The following FUT9 variants were observed in gnomAD, a reference collection of about 807,000 sequenced individuals.
FUT9 encodes the protein 4-galactosyl-N-acetylglucosaminide 3-alpha-L-fucosyltransferase 9.
FUT9 carries 15 observed loss-of-function variants against 29.7 expected under a neutral mutation model. That is an observed-to-expected ratio of 0.51 (90% CI 0.34 to 0.78). The LOEUF (loss-of-function observed/expected upper bound fraction) is 0.78, where lower values mean the gene tolerates loss of function less well. FUT9 is among the 30% of genes least tolerant of loss of function. The pLI, the probability that FUT9 is intolerant of heterozygous loss-of-function variation, is 0.01. For synonymous variants in FUT9, 169 were observed against 153.7 expected (o/e 1.10, Z -0.74); for missense variants, 319 against 425.4 (o/e 0.75, Z 2.20).
intron 1 of FUT9, among the ~76,000 whole-genome samples, chr6:96,071,425 C>G (rs1245359090): frequency 6.6e-6 from 1 of 152,164 alleles, no homozygotes; most frequent in African/African-American, 2.4e-5. Flanking sequence ...GAATTTATAA[C>G]AATGTTTACA....
intron 1 of FUT9, among the ~76,000 whole-genome samples, chr6:96,069,043 G>A (rs1172289395): frequency 4.6e-5 from 7 of 152,186 alleles, no homozygotes; most frequent in African/African-American, 1.2e-4. Flanking sequence ...TTGACCGGGC[G>A]CAGTGGCTTA....
intron 1 of FUT9, among the ~76,000 whole-genome samples, chr6:96,077,970 T>A (rs764235711): frequency 2.6e-5 from 4 of 152,194 alleles, no homozygotes; most frequent in African/African-American, 4.8e-5. Context: ...CTGTAAGAGT[T>A]TCTTTACAAC....
At chr6:96,082,006 T>G (rs1771245620) in intron 1 of FUT9, among the ~76,000 whole-genome samples, 1 of 151,872 alleles carries the variant, frequency 6.6e-6, no homozygotes, top group Non-Finnish European at 1.5e-5. Flanking sequence ...AAACATAATT[T>G]TATTGATTGT....
At chr6:96,190,131 G>A (rs913779554) in intron 2 of FUT9, among the ~76,000 whole-genome samples, 1 of 152,076 alleles carries the variant, frequency 6.6e-6, no homozygotes, top group Admixed American at 6.6e-5. Flanking sequence ...GCATTTGCTT[G>A]TCTATAAAGG....
chr6:96,088,528 TTTTGTGTG>T (rs1294835713), intron 1 of FUT9, among the ~76,000 whole-genome samples: 1 of 91,566 alleles, frequency 1.1e-5, no homozygotes, highest in Non-Finnish European at 2.2e-5. Flanking sequence ...TGTTTGTTTG[TTTTGTGTG>T]TGTGTGTGTG....
At chr6:96,172,569 T>C (rs951603728) in intron 2 of FUT9, among the ~76,000 whole-genome samples, 3 of 151,904 alleles carry the variant, frequency 2.0e-5, no homozygotes, top group African/African-American at 7.3e-5. Context: ...AGGGTCTTAG[T>C]AGAGTGTGGG....
chr6:96,088,167 C>A (rs912214178), intron 1 of FUT9, among the ~76,000 whole-genome samples: 8 of 151,938 alleles, frequency 5.3e-5, no homozygotes, highest in Non-Finnish European at 8.8e-5. Flanking sequence ...TGCAGCAAAC[C>A]AACAAGGCAC....
At chr6:96,035,724 AAT>A (rs1240515581) in intron 1 of FUT9, among the ~76,000 whole-genome samples, 3 of 137,544 alleles carry the variant, frequency 2.2e-5, no homozygotes, top group African/African-American at 8.0e-5. Context: ...TATACTAATA[AAT>A]ATAACATATT....
intron 1 of FUT9, among the ~76,000 whole-genome samples, chr6:96,098,942 T>G (rs1771543990): frequency 6.6e-6 from 1 of 152,126 alleles, no homozygotes; most frequent in South Asian, 2.1e-4. Flanking sequence ...ATTTTGTGCA[T>G]GTCTCTGTCA....
rs1398375398 is a variant in FUT9, at chr6:96,093,010, C to T, written c.-97-21029C>T. 2.6e-5 allele frequency among the ~76,000 whole-genome samples: 4 copies of T among 152,128 alleles called. No homozygotes were observed. In the East Asian group the frequency reaches 7.7e-4, roughly 29 times the overall value. On this transcript the variant is annotated intron_variant, in intron 1 of 2. Transcript: ENST00000302103. ...CTCAAAGTCCTGGGCTCAAGCAATC[C>T]TCCTGCCTTGGCCTCCTAAAGTATT...
chr6:96,171,416 G>A (rs887703873), intron 2 of FUT9, among the ~76,000 whole-genome samples: 3 of 152,170 alleles, frequency 2.0e-5, no homozygotes, highest in African/African-American at 7.2e-5. Flanking sequence ...GCCACAGCTA[G>A]TGGAGGGCTG....
intron 1 of FUT9, among the ~76,000 whole-genome samples, chr6:96,035,054 A>G (rs773983727): frequency 1.3e-5 from 2 of 151,800 alleles, no homozygotes; most frequent in Non-Finnish European, 2.9e-5. Flanking sequence ...AAAAGTCATC[A>G]ATTCAATTAA....
chr6:96,101,196 T>G (rs1177413332), intron 1 of FUT9, among the ~76,000 whole-genome samples: 1 of 152,206 alleles, frequency 6.6e-6, no homozygotes, highest in East Asian at 1.9e-4. Context: ...GGTGTCTTGT[T>G]TTACTAAAAT....
chr6:96,031,620 A>ATATT (rs1239351510), intron 1 of FUT9, among the ~76,000 whole-genome samples: 2 of 151,494 alleles, frequency 1.3e-5, no homozygotes, highest in African/African-American at 4.8e-5. Flanking sequence ...GAGCAACAGA[A>ATATT]TATTTATTCC....
At chr6:96,193,741 G>C (rs1428249444) in intron 2 of FUT9, among the ~76,000 whole-genome samples, 1 of 152,074 alleles carries the variant, frequency 6.6e-6, no homozygotes, top group Non-Finnish European at 1.5e-5. Flanking sequence ...CTGCTATAAA[G>C]ACACATGCAC....
At chr6:96,189,369 T>G (rs1378789840) in intron 2 of FUT9, among the ~76,000 whole-genome samples, 2 of 108,558 alleles carry the variant, frequency 1.8e-5, no homozygotes, top group African/African-American at 6.6e-5. Context: ...TTTAACATTT[T>G]TTTTTTTTAT....
At chr6:96,192,820 A>C (rs1773537867) in intron 2 of FUT9, among the ~76,000 whole-genome samples, 1 of 152,140 alleles carries the variant, frequency 6.6e-6, no homozygotes, top group Non-Finnish European at 1.5e-5. Flanking sequence ...AGGCTACAGT[A>C]AACAAAACAG....
intron 1 of FUT9, among the ~76,000 whole-genome samples, chr6:96,033,326 A>C (rs1240167646): frequency 6.6e-6 from 1 of 151,578 alleles, no homozygotes; most frequent in Non-Finnish European, 1.5e-5. Context: ...AGTCTCACTG[A>C]GAACTTTTTG....
intron 1 of FUT9, among the ~76,000 whole-genome samples, chr6:96,062,248 CAAATAG>C (rs1770888516): frequency 2.0e-5 from 3 of 151,144 alleles, no homozygotes; most frequent in Non-Finnish European, 3.0e-5. Context: ...TAGAAAGTAA[CAAATAG>C]AAATCAAAAT....
Sources: allele counts gnomAD v4.1 joint callset (sites outside exome capture counted in the v4.1 genomes callset), GRCh38; gene constraint gnomAD v4.1.1; transcripts MANE v1.5; gene names NCBI Gene and HGNC (gene_info 2026-07-23, HGNC 2026-07-21).